MYLK: variants seen among roughly 807,000 people sequenced by gnomAD.
MYLK encodes the protein myosin light chain kinase, smooth muscle.
A neutral mutation model predicts 203.4 loss-of-function variants in MYLK; 106 were observed. The ratio of observed to expected loss-of-function variants is 0.52; its 90% confidence interval spans 0.45 to 0.61. The LOEUF (loss-of-function observed/expected upper bound fraction) is 0.61. Ranked by LOEUF, MYLK falls within the 20% of genes least tolerant of loss-of-function variation. MYLK has a pLI of 0.00. For missense variants in MYLK, 2,072 were observed against 2,442.3 expected (o/e 0.85, Z 3.20); for synonymous variants, 867 against 959.5 (o/e 0.90, Z 1.78).
At chr3:123,682,852 C>A (rs1217299337) in intron 19 of MYLK, among the ~76,000 whole-genome samples, 1 of 152,166 alleles carries the variant, frequency 6.6e-6, no homozygotes, top group East Asian at 1.9e-4. Context: ...ATGCCTCCCA[C>A]CTCTGAGACG....
Position 123,826,085 on chromosome 3 carries a change from A to T in MYLK, c.-4+5463T>A, listed in dbSNP as rs148811070. Among the ~76,000 whole-genome samples the T allele has an allele frequency of 3.0e-3, 460 of 152,238 alleles. 2 individuals are homozygous for T. The highest frequency in any genetic ancestry group is 0.01 in the African/African-American group (423 of 41,556). On this transcript the variant is annotated intron_variant, in intron 3 of 33. Coordinates refer to ENST00000360304, the MANE Select transcript of MYLK (RefSeq NM_053025.4). ...CCCCACCCCCAAAAAAGGGCCTGAG[A>T]AACCCACAGGACATTCCTGGCAGGT...
chr3:123,862,103 C>T (rs542597574), intron 2 of MYLK, among the ~76,000 whole-genome samples: 1 of 152,360 alleles, frequency 6.6e-6, no homozygotes, highest in Admixed American at 6.5e-5. Context: ...GCCATGCTGG[C>T]TCAGCGTCAC....
chr3:123,801,633 G>T (rs1213301608), intron 3 of MYLK, among the ~76,000 whole-genome samples: 1 of 152,138 alleles, frequency 6.6e-6, no homozygotes, highest in Non-Finnish European at 1.5e-5. Context: ...TTATGTTCAT[G>T]TATACCTCAT....
At chr3:123,661,574 TC>T (rs2059563192) in intron 23 of MYLK, among the ~76,000 whole-genome samples, 1 of 152,028 alleles carries the variant, frequency 6.6e-6, no homozygotes, top group Admixed American at 6.6e-5. Context: ...ACACCAGTCT[TC>T]CCCGATCTGA....
intron 20 of MYLK, among the ~76,000 whole-genome samples, chr3:123,669,447 T>A (rs990493346): frequency 6.6e-6 from 1 of 150,522 alleles, no homozygotes; most frequent in Non-Finnish European, 1.5e-5. Context: ...TCTTTTGCCA[T>A]AAAGGACATT....
chr3:123,739,203 C>A (rs1283034413), intron 6 of MYLK, 141 bp from the exon 7 acceptor site: 2 of 949,124 alleles, frequency 2.1e-6, no homozygotes, highest in Admixed American at 2.0e-5. Context: ...CAGAAACTTT[C>A]TCATGCTCTC....
rs1545869 is a variant in MYLK, at chr3:123,672,530, C to T, written c.3653-5343G>A. 0.033 allele frequency among the ~76,000 whole-genome samples: 5,035 copies of T among 152,220 alleles called. 388 individuals carry two copies. The East Asian group carries it at 0.34, about 10-fold the overall frequency. ...GTGGGCACCAGGTGTGAGAAGGAGG[C>T]TGACAATCCCTGGGGTGATGAGCTA... On this transcript the variant is annotated intron_variant, in intron 20 of 33. Coordinates refer to ENST00000360304, the MANE Select transcript of MYLK (RefSeq NM_053025.4).
intron 9 of MYLK, chr3:123,734,984 C>CGGTGG: frequency 6.3e-6 from 2 of 318,478 alleles, no homozygotes; most frequent in Non-Finnish European, 1.2e-5. Context: ...AAGCCCTCCT[C>CGGTGG]TACGCCCACC....
chr3:123,700,307 T>G lies in MYLK; in HGVS notation c.3161A>C (p.Lys1054Thr). ...AETLKPMGNA[K>T]PDENLKSASK... ...AGCGGATTTCAGGTTCTCATCAGGC[T>G]TGGCATTGCCCATGGGCTTCAGGGT... Residue 1054 changes from lysine to threonine, a missense_variant, in exon 18 of 34, where the codon AAG becomes ACG. Lys to Thr is a moderately conservative substitution (Grantham distance 78). Around this residue, in one of 3 missense-constraint regions of MYLK, gnomAD observed 865 missense variants for 1,016.0 expected, o/e 0.85. Coordinates refer to ENST00000360304, the MANE Select transcript of MYLK (RefSeq NM_053025.4). 1 of 1,614,016 alleles carries G rather than the reference T, an allele frequency of 6.2e-7. No homozygotes were observed. The highest frequency in any genetic ancestry group is 8.5e-7 in the Non-Finnish European group (1 of 1,179,964).
chr3:123,853,084 G>C (rs1322652872), intron 2 of MYLK, among the ~76,000 whole-genome samples: 5 of 151,940 alleles, frequency 3.3e-5, no homozygotes, highest in Admixed American at 2.6e-4. Context: ...AATCTTAAGG[G>C]CCTGACAGAA....
In MYLK at chr3:123,613,247, A is replaced by C. The variant is rs1361813271; in HGVS notation, c.*858T>G. On this transcript the variant is annotated 3_prime_UTR_variant, in exon 34 of 34. Coordinates refer to ENST00000360304, the MANE Select transcript of MYLK (RefSeq NM_053025.4). Reference sequence around the variant, plus strand: ...AGCAAACTGATTTCTCCTATATTCAAACACAAAAATCTTTACCACACGTTC... The same window carrying C: ...AGCAAACTGATTTCTCCTATATTCACACACAAAAATCTTTACCACACGTTC... 6.6e-6 allele frequency: 1 copy of C among 152,206 alleles called. No homozygotes were observed. The highest frequency in any genetic ancestry group is 2.4e-5 in the African/African-American group (1 of 41,452). 9.4% of individuals were successfully genotyped at this position (152,206 alleles called of 1,614,324 possible).
chr3:123,701,933 C>G (rs771943442), intron 16 of MYLK, among the ~76,000 whole-genome samples: 11 of 152,246 alleles, frequency 7.2e-5, no homozygotes, highest in Non-Finnish European at 1.3e-4. Context: ...TTGACTCTGA[C>G]TCCATGATCC....
intron 18 of MYLK, among the ~76,000 whole-genome samples, chr3:123,699,191 G>C (rs1040765458): frequency 6.6e-6 from 1 of 151,896 alleles, no homozygotes; most frequent in African/African-American, 2.4e-5. Context: ...CCAGACTTGG[G>C]ATTTACAAAA....
intron 26 of MYLK, 40 bp from the exon 27 acceptor site, chr3:123,647,467 C>A (rs2059060503): frequency 1.3e-6 from 2 of 1,598,682 alleles, no homozygotes. Context: ...CCACATTTAG[C>A]CAAGCTTTCC....
intron 2 of MYLK, among the ~76,000 whole-genome samples, chr3:123,849,067 CCA>C (rs2030415749): frequency 6.6e-6 from 1 of 152,128 alleles, no homozygotes; most frequent in Middle Eastern, 3.2e-3. Context: ...CCTCAGCCTC[CCA>C]GACTCAAGAT....
chr3:123,713,413 G>A (rs1218209617), intron 13 of MYLK, among the ~76,000 whole-genome samples: 2 of 152,068 alleles, frequency 1.3e-5, no homozygotes, highest in African/African-American at 4.8e-5. Context: ...TGACAAGGCC[G>A]GGATGTTACG....
intron 7 of MYLK, among the ~76,000 whole-genome samples, chr3:123,738,021 C>A (rs2062736887): frequency 6.6e-6 from 1 of 152,140 alleles, no homozygotes; most frequent in Admixed American, 6.5e-5. Flanking sequence ...TCCCCAACCC[C>A]ATGCCACTGC....
At chr3:123,728,813 T>C (rs2062383623) in intron 11 of MYLK, among the ~76,000 whole-genome samples, 1 of 152,194 alleles carries the variant, frequency 6.6e-6, no homozygotes, top group South Asian at 2.1e-4. Context: ...TTGCCCTGTC[T>C]GGCAGCTCCT....
At chr3:123,788,112 G>A (rs964723020) in intron 4 of MYLK, among the ~76,000 whole-genome samples, 12 of 152,172 alleles carry the variant, frequency 7.9e-5, no homozygotes, top group Admixed American at 2.6e-4. Context: ...CACGTGGTAG[G>A]AAGATCACTT....
Sources: allele counts gnomAD v4.1 joint callset (sites outside exome capture counted in the v4.1 genomes callset), GRCh38; gene constraint gnomAD v4.1.1; regional missense constraint gnomAD v4.1.1; transcripts MANE v1.5; gene names NCBI Gene and HGNC (gene_info 2026-07-23, HGNC 2026-07-21).